The following GPHN variants were observed in gnomAD, a reference collection of about 807,000 sequenced individuals.
GPHN encodes the protein gephyrin.
GPHN carries 17 observed loss-of-function variants against 95.5 expected under a neutral mutation model. The ratio of observed to expected loss-of-function variants is 0.18; its 90% CI spans 0.12 to 0.27. The LOEUF is 0.27. GPHN is among the 10% of genes least tolerant of loss of function. The pLI, the probability that GPHN is intolerant of heterozygous loss-of-function variation, is 1.00. For synonymous variants in GPHN, 320 were observed against 322.5 expected, an observed-to-expected ratio of 0.99 and a Z score of 0.08; for missense variants, 660 against 978.1, an observed-to-expected ratio of 0.67 and a Z score of 4.34.
the GPHN span, among the ~76,000 whole-genome samples, chr14:67,195,613 C>T: frequency 3.3e-5 from 5 of 152,234 alleles, no homozygotes; most frequent in African/African-American, 9.6e-5. Context: ...TGCATCTCCT[C>T]AAATCTAAGA....
At chr14:67,020,284 G>A (rs2073540760) in intron 9 of GPHN, among the ~76,000 whole-genome samples, 1 of 152,062 alleles carries the variant, frequency 6.6e-6, no homozygotes, top group African/African-American at 2.4e-5. Context: ...TTTCTGTGTA[G>A]CAATTCATGT....
At chr14:67,656,577 A>C in the GPHN span, 1 of 1,601,210 alleles carries the variant, frequency 6.2e-7, no homozygotes, top group Non-Finnish European at 8.5e-7. Context: ...GCCCTTTGAG[A>C]CTGTAGCCGA....
the GPHN span, chr14:67,660,006 T>G: frequency 7.4e-7 from 1 of 1,346,524 alleles, no homozygotes; most frequent in African/African-American, 1.5e-5. Context: ...CTAATCAAAC[T>G]ACTTATTTAT....
intron 1 of GPHN, among the ~76,000 whole-genome samples, chr14:66,534,674 G>A (rs2059070102): frequency 6.6e-6 from 1 of 152,132 alleles, no homozygotes; most frequent in Non-Finnish European, 1.5e-5. Flanking sequence ...CAATGTAGGA[G>A]GGTTTGAGTA....
chr14:66,835,718 T>A (rs1388525426), intron 4 of GPHN, among the ~76,000 whole-genome samples: 1 of 152,042 alleles, frequency 6.6e-6, no homozygotes, highest in Admixed American at 6.6e-5. Flanking sequence ...GCCCAAAATC[T>A]CCTTAAGCTG....
the GPHN span, among the ~76,000 whole-genome samples, chr14:67,516,400 G>C: frequency 3.7e-4 from 57 of 152,236 alleles, 1 homozygote; most frequent in Middle Eastern, 3.4e-3. Flanking sequence ...AGCTGGAGAG[G>C]GGGGGAAATG....
chr14:66,923,004 T>TC, intron 7 of GPHN, 66 bp downstream of exon 7: 1 of 1,322,956 alleles, frequency 7.6e-7, no homozygotes. Flanking sequence ...GTTTCATCTG[T>TC]TTTGCATCGC....
chr14:67,447,947 A>G, the GPHN span: 1 of 152,072 alleles, frequency 6.6e-6, no homozygotes, highest in Non-Finnish European at 1.5e-5. Context: ...TGAAAGAGTA[A>G]GATGACAAAG....
intron 9 of GPHN, among the ~76,000 whole-genome samples, chr14:67,003,187 T>C (rs2072358507): frequency 6.6e-6 from 1 of 151,706 alleles, no homozygotes; most frequent in Non-Finnish European, 1.5e-5. Flanking sequence ...ATAGTGGTTT[T>C]TTATTATCAG....
At chr14:67,022,137 T>C (rs898982678) in intron 9 of GPHN, among the ~76,000 whole-genome samples, 6 of 152,124 alleles carry the variant, frequency 3.9e-5, no homozygotes, top group Admixed American at 3.9e-4. Context: ...GTTACACTTA[T>C]GTTCATTCCA....
chr14:67,152,516 A>T (rs955441525), intron 18 of GPHN, among the ~76,000 whole-genome samples: 14 of 152,204 alleles, frequency 9.2e-5, no homozygotes, highest in Non-Finnish European at 1.6e-4. Flanking sequence ...GAATTCAAAG[A>T]ATATACCCAT....
intron 9 of GPHN, among the ~76,000 whole-genome samples, chr14:67,008,379 C>T (rs1457079750): frequency 6.6e-6 from 1 of 151,464 alleles, no homozygotes; most frequent in Non-Finnish European, 1.5e-5. Flanking sequence ...TTGCTTGAAC[C>T]CGGGAGGTGG....
At chr14:67,382,821 A>T in the GPHN span, 1 of 536,754 alleles carries the variant, frequency 1.9e-6, no homozygotes, top group African/African-American at 1.9e-5. Context: ...CATGTCTAAA[A>T]TTTGATCTCA....
intron 11 of GPHN, among the ~76,000 whole-genome samples, chr14:67,061,372 G>A (rs1001586780): frequency 6.6e-6 from 1 of 151,928 alleles, no homozygotes; most frequent in Non-Finnish European, 1.5e-5. Flanking sequence ...CTGGACAATT[G>A]TTATAGGCTC....
the GPHN span, among the ~76,000 whole-genome samples, chr14:67,485,205 G>A: frequency 1.3e-5 from 2 of 152,210 alleles, no homozygotes; most frequent in Non-Finnish European, 2.9e-5. Flanking sequence ...TTGCTCTGGG[G>A]AGATGTGCCT....
chr14:66,642,478 C>G (rs1351331621), intron 1 of GPHN, among the ~76,000 whole-genome samples: 1 of 151,794 alleles, frequency 6.6e-6, no homozygotes, highest in Non-Finnish European at 1.5e-5. Context: ...ACCAAAGGAA[C>G]TGAAGGAACT....
chr14:66,539,941 G>A (rs764764420), intron 1 of GPHN, among the ~76,000 whole-genome samples: 6 of 152,118 alleles, frequency 3.9e-5, no homozygotes, highest in Non-Finnish European at 4.4e-5. Context: ...TCTTTTTCTA[G>A]TTGTTGAAGC....
intron 8 of GPHN, among the ~76,000 whole-genome samples, chr14:66,950,922 G>A (rs1044168821): frequency 3.9e-5 from 6 of 151,908 alleles, no homozygotes; most frequent in African/African-American, 1.5e-4. Flanking sequence ...TTGTTTGTTT[G>A]TTGTTGTTTT....
the GPHN span, among the ~76,000 whole-genome samples, chr14:67,629,896 C>A: frequency 6.6e-6 from 1 of 152,162 alleles, no homozygotes; most frequent in South Asian, 2.1e-4. Context: ...TACATTCTTA[C>A]AGAAAGTCCA....
Sources: gnomAD v4.1 joint callset for allele counts (sites outside exome capture counted in the v4.1 genomes callset) on GRCh38, gnomAD v4.1.1 for gene constraint, MANE v1.5 for transcripts, NCBI Gene and HGNC (gene_info 2026-07-23, HGNC 2026-07-21) for gene names.